Variants in ADGRA1 observed in about 807,000 individuals in gnomAD.
ADGRA1 encodes adhesion G protein-coupled receptor A1, also known as G-protein coupled receptor 123.
A neutral mutation model predicts 21.3 loss-of-function variants in ADGRA1; 12 were observed. The ratio of observed to expected loss-of-function variants is 0.56; its 90% CI spans 0.36 to 0.91. ADGRA1 has a LOEUF of 0.91. Among genes scored for constraint, ADGRA1 ranks in the 40% least tolerant of loss-of-function variants. The pLI is 0.01. For synonymous variants in ADGRA1, 385 were observed against 368.8 expected (o/e 1.04, Z -0.50); for missense variants, 790 against 805.6 (o/e 0.98, Z 0.23).
At chr10:133,119,159 G>A (rs1257317927) in intron 5 of ADGRA1, among the ~76,000 whole-genome samples, 1 of 152,160 alleles carries the variant, frequency 6.6e-6, no homozygotes, top group African/African-American at 2.4e-5. Flanking sequence ...CAGCACAGGT[G>A]AGGGCTTCAG....
intron 2 of ADGRA1, among the ~76,000 whole-genome samples, chr10:133,096,457 A>G (rs1851690543): frequency 6.6e-6 from 1 of 152,208 alleles, no homozygotes; most frequent in African/African-American, 2.4e-5. Flanking sequence ...TTGGTGCCGA[A>G]CAGTCTCCAC....
intron 5 of ADGRA1, among the ~76,000 whole-genome samples, chr10:133,123,318 G>A (rs1852311277): frequency 6.6e-6 from 1 of 152,210 alleles, no homozygotes; most frequent in South Asian, 2.1e-4. Flanking sequence ...CTCACTGACG[G>A]GCAGGAGCCT....
chr10:133,103,767 C>T (rs1851842893), intron 5 of ADGRA1, among the ~76,000 whole-genome samples: 1 of 152,238 alleles, frequency 6.6e-6, no homozygotes, highest in African/African-American at 2.4e-5. Flanking sequence ...CAGGCCGGAG[C>T]TCGCCAGGGA....
intron 2 of ADGRA1, 135 bp downstream of exon 2, chr10:133,089,047 C>A (rs941222912): frequency 1.6e-6 from 2 of 1,233,326 alleles, no homozygotes; most frequent in South Asian, 8.2e-5. Context: ...GGCTCAGTGC[C>A]GGGGTGGGAG....
intron 5 of ADGRA1, among the ~76,000 whole-genome samples, chr10:133,122,813 A>ATCCCCAGGCACACGCG (rs565919682): frequency 1.9e-3 from 269 of 142,284 alleles, no homozygotes; most frequent in Non-Finnish European, 2.3e-3. Flanking sequence ...AGGCACACGC[A>ATCCCCAGGCACACGCG]TCCCCAGGCA....
chr10:133,100,756 G>A (rs1851777109), intron 4 of ADGRA1, among the ~76,000 whole-genome samples: 1 of 152,252 alleles, frequency 6.6e-6, no homozygotes. Context: ...GCCATGCTGT[G>A]GGCACTAGGG....
chr10:133,126,541 A>G, intron 5 of ADGRA1, among the ~76,000 whole-genome samples: 1 of 152,096 alleles, frequency 6.6e-6, no homozygotes, highest in Non-Finnish European at 1.5e-5. Flanking sequence ...GGGTTGTCTC[A>G]TGGGTCCGGG....
intron 5 of ADGRA1, among the ~76,000 whole-genome samples, chr10:133,110,299 GT>G (rs1851964737): frequency 6.6e-6 from 1 of 152,276 alleles, no homozygotes; most frequent in Non-Finnish European, 1.5e-5. Flanking sequence ...GGTCACTCCT[GT>G]GTGCTCTGCC....
At chr10:133,122,364 G>A (rs1255047477) in intron 5 of ADGRA1, among the ~76,000 whole-genome samples, 6 of 152,206 alleles carry the variant, frequency 3.9e-5, no homozygotes, top group East Asian at 3.9e-4. Flanking sequence ...TGCTGATTCC[G>A]ACCATCAGCT....
chr10:133,105,834 C>A (rs1046530050), intron 5 of ADGRA1, among the ~76,000 whole-genome samples: 2 of 152,210 alleles, frequency 1.3e-5, no homozygotes, highest in Non-Finnish European at 2.9e-5. Flanking sequence ...AAGCCAGCAG[C>A]CTCTGCGGCC....
chr10:133,095,530 C>A, intron 2 of ADGRA1: 1 of 1,230,614 alleles, frequency 8.1e-7, no homozygotes, highest in Non-Finnish European at 1.1e-6. Flanking sequence ...TCGCACAGGT[C>A]CAGGCTCCTC....
In ADGRA1 at chr10:133,130,864, A is replaced by G. The variant is rs937914771; in HGVS notation, c.*1353A>G. The stretch of plus-strand genomic sequence containing the variant: ...ATCACACACACGCACACACACAAAC[A>G]CGTGCATATCACACACAAACACACG... On this transcript the variant is annotated 3_prime_UTR_variant, in exon 7 of 7. Coordinates refer to ENST00000392607, the MANE Select transcript of ADGRA1 (RefSeq NM_001083909.3). 2.0e-5 allele frequency: 3 copies of G among 151,342 alleles called. No homozygotes were observed. The highest frequency in any genetic ancestry group is 1.3e-4 in the Admixed American group (2 of 15,196). 9.4% of individuals were successfully genotyped at this position (151,342 alleles called of 1,614,324 possible).
chr10:133,094,497 G>A (rs992783036), intron 2 of ADGRA1, among the ~76,000 whole-genome samples: 6 of 152,186 alleles, frequency 3.9e-5, no homozygotes, highest in Admixed American at 2.6e-4. Flanking sequence ...GCAGGAAGGC[G>A]CGGCGGCCAC....
chr10:133,123,717 C>G (rs1344542330), intron 5 of ADGRA1, among the ~76,000 whole-genome samples: 2 of 49,012 alleles, frequency 4.1e-5, no homozygotes, highest in African/African-American at 1.5e-4. Context: ...GCCTCCCTCC[C>G]CCCCCCCGGC....
intron 2 of ADGRA1, among the ~76,000 whole-genome samples, chr10:133,094,666 A>T (rs911296531): frequency 4.6e-5 from 7 of 151,794 alleles, no homozygotes; most frequent in African/African-American, 1.7e-4. Flanking sequence ...AGTGGACCCC[A>T]CTCTCTTGGC....
chr10:133,098,314 T>A (rs1851724952), intron 3 of ADGRA1, among the ~76,000 whole-genome samples: 1 of 152,066 alleles, frequency 6.6e-6, no homozygotes, highest in South Asian at 2.1e-4. Context: ...GGCCTCTATC[T>A]CTGAGACAGT....
At chr10:133,108,858 T>C (rs1342155173) in intron 5 of ADGRA1, among the ~76,000 whole-genome samples, 2 of 80,670 alleles carry the variant, frequency 2.5e-5, no homozygotes, top group Non-Finnish European at 5.4e-5. Flanking sequence ...CCTCCCCTCA[T>C]GTCCTCCATG....
intron 2 of ADGRA1, chr10:133,093,217 G>A (rs1379627125): frequency 6.3e-7 from 1 of 1,591,458 alleles, no homozygotes; most frequent in Non-Finnish European, 8.5e-7. Context: ...CATTCCCCAG[G>A]TTTGAAGAGG....
At position 133,088,229 on chromosome 10, in the gene ADGRA1, C is replaced by T. The variant is rs1050767818; in HGVS notation, c.-203+91C>T. The T allele has an allele frequency of 6.0e-6, 3 of 495,892 alleles. No homozygotes were observed. In the African/African-American group the frequency reaches 6.3e-5, roughly 10 times the overall value. The allele number at this position is 495,892 out of a possible 1,614,324, so 30.7% of individuals were successfully genotyped here. A position where few individuals can be genotyped will look rare whatever the true frequency, so the allele number is the denominator to read the frequency against. On this transcript the variant is annotated intron_variant, in intron 1 of 6. Transcript: ENST00000392607. ...TCGCGCCCCGAGGTGACACTGGCCG[C>T]GAGGAAAGCAGCTCCGAGTAACTTT...
Sources: gnomAD v4.1 joint callset for allele counts (sites outside exome capture counted in the v4.1 genomes callset) on GRCh38, gnomAD v4.1.1 for gene constraint, MANE v1.5 for transcripts, NCBI Gene and HGNC (gene_info 2026-07-23, HGNC 2026-07-21) for gene names.